SUSD4: variants seen among roughly 807,000 people sequenced by gnomAD.
The protein encoded by SUSD4 is sushi domain-containing protein 4.
A neutral mutation model predicts 50.5 loss-of-function variants in SUSD4; 41 were observed. The ratio of observed to expected loss-of-function variants is 0.81; its 90% CI spans 0.63 to 1.05. SUSD4 has a LOEUF of 1.05. Ranked by LOEUF, SUSD4 falls within the 50% of genes least tolerant of loss-of-function variation. The probability of loss-of-function intolerance (pLI) is 0.00; values close to 1 mark genes in which losing one functional copy is unlikely to be tolerated. For missense variants in SUSD4, 580 were observed against 634.7 expected (o/e 0.91, Z 0.93); for synonymous variants, 257 against 257.3 (o/e 1.00, Z 0.01).
chr1:223,237,449 G>A (rs1660297247), intron 5 of SUSD4, among the ~76,000 whole-genome samples: 1 of 151,952 alleles, frequency 6.6e-6, no homozygotes, highest in African/African-American at 2.4e-5. Context: ...AAAACTTCTA[G>A]TTTCTCTTCA....
chr1:223,316,974 A>G (rs999893167), intron 2 of SUSD4, among the ~76,000 whole-genome samples: 1 of 152,188 alleles, frequency 6.6e-6, no homozygotes, highest in African/African-American at 2.4e-5. Flanking sequence ...TAAAGGCATC[A>G]TCAACCAGAG....
chr1:223,335,832 A>G (rs1359663975), intron 2 of SUSD4, among the ~76,000 whole-genome samples: 1 of 152,240 alleles, frequency 6.6e-6, no homozygotes, highest in African/African-American at 2.4e-5. Context: ...AAGAATGTCT[A>G]CAGGGAAAAA....
At chr1:223,296,946 G>GT (rs1664863076) in intron 2 of SUSD4, among the ~76,000 whole-genome samples, 1 of 152,162 alleles carries the variant, frequency 6.6e-6, no homozygotes, top group South Asian at 2.1e-4. Flanking sequence ...CAAGCCTCGG[G>GT]TATGTCCTTA....
intron 1 of SUSD4, 151 bp from the exon 2 acceptor site, chr1:223,363,611 GA>G (rs2102612819): frequency 1.1e-6 from 1 of 899,282 alleles, no homozygotes; most frequent in African/African-American, 1.7e-5. Flanking sequence ...TTCCCACGGC[GA>G]GGTCCCCCGC....
intron 2 of SUSD4, among the ~76,000 whole-genome samples, chr1:223,358,289 G>A (rs1415986149): frequency 6.6e-6 from 1 of 152,104 alleles, no homozygotes; most frequent in African/African-American, 2.4e-5. Context: ...AAAGAGAGCT[G>A]GCTTTACTCA....
chr1:223,277,960 A>AT (rs964478477), intron 3 of SUSD4, among the ~76,000 whole-genome samples: 175 of 151,620 alleles, frequency 1.2e-3, no homozygotes, highest in African/African-American at 3.7e-3. Context: ...CAGCTGGGAG[A>AT]TTTTTTTTTA....
At chr1:223,344,616 G>A (rs866921997) in intron 2 of SUSD4, among the ~76,000 whole-genome samples, 12 of 152,004 alleles carry the variant, frequency 7.9e-5, no homozygotes, top group Middle Eastern at 3.4e-3. Context: ...ATCAGTGTGG[G>A]TTCAGTAGGT....
intron 2 of SUSD4, among the ~76,000 whole-genome samples, chr1:223,317,338 C>T (rs921248191): frequency 3.9e-5 from 6 of 152,134 alleles, no homozygotes; most frequent in Admixed American, 3.3e-4. Context: ...ATGAATAATC[C>T]ACCCCTTATT....
At chr1:223,252,232 A>AT (rs1315896019) in intron 5 of SUSD4, among the ~76,000 whole-genome samples, 460 of 65,668 alleles carry the variant, frequency 7.0e-3, no homozygotes, top group Middle Eastern at 0.016. Flanking sequence ...AAAAAAAAAA[A>AT]AAAAATATAT....
chr1:223,346,026 G>A (rs1395727975), intron 2 of SUSD4, among the ~76,000 whole-genome samples: 2 of 152,158 alleles, frequency 1.3e-5, no homozygotes, highest in Non-Finnish European at 2.9e-5. Context: ...GGGCAGGGTT[G>A]CTCAGAGTCA....
At chr1:223,362,229 C>T (rs1669024923) in intron 2 of SUSD4, among the ~76,000 whole-genome samples, 1 of 152,148 alleles carries the variant, frequency 6.6e-6, no homozygotes, top group Non-Finnish European at 1.5e-5. Flanking sequence ...ACCTCTCCTC[C>T]ACTTTTGCTA....
intron 5 of SUSD4, among the ~76,000 whole-genome samples, chr1:223,258,923 G>A (rs1392739962): frequency 6.6e-6 from 1 of 152,080 alleles, no homozygotes; most frequent in African/African-American, 2.4e-5. Flanking sequence ...CAGTTCTTTC[G>A]AAACCATGGA....
At chr1:223,246,209 C>A (rs977611792) in intron 5 of SUSD4, among the ~76,000 whole-genome samples, 3 of 152,052 alleles carry the variant, frequency 2.0e-5, no homozygotes, top group African/African-American at 7.3e-5. Context: ...TCATGGAAGC[C>A]GCGAGGGGAG....
chr1:223,364,227 CG>C (rs934927256), upstream of SUSD4: 2 of 144,512 alleles, frequency 1.4e-5, no homozygotes, highest in African/African-American at 4.9e-5. The surrounding 1 kb of genome is among the most constrained non-coding windows in gnomAD (Gnocchi z 4.5). Context: ...CCTCCCCAGG[CG>C]CCCCCGAGCG....
At chr1:223,363,541 C>A in intron 1 of SUSD4, 81 bp from the exon 2 acceptor site, 7 of 1,344,720 alleles carry the variant, frequency 5.2e-6, no homozygotes, top group Non-Finnish European at 6.8e-6. Flanking sequence ...GCTCTGGGAC[C>A]CGGCGCCTCG....
intron 5 of SUSD4, among the ~76,000 whole-genome samples, chr1:223,243,982 TA>T (rs1482872504): frequency 2.6e-5 from 4 of 152,262 alleles, no homozygotes; most frequent in Non-Finnish European, 5.9e-5. Context: ...ATTTAACAAA[TA>T]TTTTTTGGAC....
intron 2 of SUSD4, among the ~76,000 whole-genome samples, chr1:223,338,199 G>A (rs1667559029): frequency 6.6e-6 from 1 of 152,172 alleles, no homozygotes; most frequent in Non-Finnish European, 1.5e-5. Context: ...CTTCATAAAG[G>A]CAGTCAGGCT....
chr1:223,310,528 T>C (rs1665811307), intron 2 of SUSD4, among the ~76,000 whole-genome samples: 1 of 152,020 alleles, frequency 6.6e-6, no homozygotes, highest in Non-Finnish European at 1.5e-5. Flanking sequence ...ATAAAAGAAA[T>C]ACAATACAAA....
Position 223,268,013 on chromosome 1 carries a change from T to TATATATATATATATATATA in SUSD4, c.535+488_535+489insTATATATATATATATATAT, listed in dbSNP as rs1553291074. 9.0e-3 allele frequency among the ~76,000 whole-genome samples: 475 copies of TATATATATATATATATATA among 52,842 alleles called. 31 individuals carry two copies. Among genetic ancestry groups the TATATATATATATATATATA allele is most frequent in the Non-Finnish European group, 0.01 (330 of 32,666 alleles). The allele number at this position is 52,842 out of a possible 152,430, so 34.7% of individuals were successfully genotyped here. ...AATTTTTCTGCTCTTCATGCATTTT[T>TATATATATATATATATATA]TATATATATATATATATATATATAT... On this transcript the variant is annotated intron_variant, in intron 4 of 8. Coordinates refer to ENST00000366878, the MANE Select transcript of SUSD4 (RefSeq NM_017982.4).
Sources: allele counts gnomAD v4.1 joint callset (sites outside exome capture counted in the v4.1 genomes callset), GRCh38; gene constraint gnomAD v4.1.1; non-coding constraint Gnocchi (gnomAD v3.1); transcripts MANE v1.5; gene names NCBI Gene and HGNC (gene_info 2026-07-23, HGNC 2026-07-21).